PALM2AKAP2: variants seen among roughly 807,000 people sequenced by gnomAD.
PALM2AKAP2 encodes PALM2 and AKAP2 fusion, also known as PALM2-AKAP2 fusion protein.
PALM2AKAP2 carries 37 observed loss-of-function variants against 71.5 expected under a neutral mutation model. That is an observed-to-expected ratio of 0.52 (90% CI 0.40 to 0.68). The LOEUF (loss-of-function observed/expected upper bound fraction) is 0.68, where lower values mean the gene tolerates loss of function less well. Ranked by LOEUF, PALM2AKAP2 falls within the 30% of genes least tolerant of loss-of-function variation. The pLI is 0.00. For synonymous variants in PALM2AKAP2, 468 were observed against 478.8 expected, an observed-to-expected ratio of 0.98 and a Z score of 0.29; for missense variants, 1,224 against 1,191.8, an observed-to-expected ratio of 1.03 and a Z score of -0.40.
chr9:110,135,625 C>T, intron 1 of PALM2AKAP2, among the ~76,000 whole-genome samples: 1 of 152,168 alleles, frequency 6.6e-6, no homozygotes, highest in East Asian at 1.9e-4. Context: ...CAGTGAGGCA[C>T]TGTAGCCTGT....
chr9:109,918,933 G>A (rs1032924877), intron 3 of PALM2AKAP2, among the ~76,000 whole-genome samples: 1 of 151,952 alleles, frequency 6.6e-6, no homozygotes, highest in African/African-American at 2.4e-5. Flanking sequence ...CAGTTACACA[G>A]TATCATGACC....
At chr9:110,011,014 A>AAAAAAAAAAAAATATATAT (rs35212981) in intron 6 of PALM2AKAP2, among the ~76,000 whole-genome samples, 1 of 69,588 alleles carries the variant, frequency 1.4e-5, no homozygotes. Context: ...AAAAAAAAAA[A>AAAAAAAAAAAAATATATAT]ATATATATAT....
intron 1 of PALM2AKAP2, among the ~76,000 whole-genome samples, chr9:109,763,962 C>T (rs1041304950): frequency 1.3e-5 from 2 of 152,224 alleles, no homozygotes; most frequent in Non-Finnish European, 2.9e-5. Flanking sequence ...ATATCCTTAA[C>T]TAAATTACTT....
At chr9:109,949,542 C>A (rs1023804346) in intron 6 of PALM2AKAP2, among the ~76,000 whole-genome samples, 1 of 152,042 alleles carries the variant, frequency 6.6e-6, no homozygotes, top group Non-Finnish European at 1.5e-5. Context: ...TGGAAAACAC[C>A]CTTGACTGAG....
intron 1 of PALM2AKAP2, among the ~76,000 whole-genome samples, chr9:109,669,774 A>G (rs1395488765): frequency 6.6e-6 from 1 of 152,064 alleles, no homozygotes; most frequent in African/African-American, 2.4e-5. Context: ...TAATGTGCAT[A>G]GGAATCTATA....
chr9:110,130,161 T>G (rs1835702443), intron 1 of PALM2AKAP2, among the ~76,000 whole-genome samples: 1 of 152,222 alleles, frequency 6.6e-6, no homozygotes, highest in Non-Finnish European at 1.5e-5. Context: ...GGCTTAATAA[T>G]AGTGAACATT....
intron 1 of PALM2AKAP2, among the ~76,000 whole-genome samples, chr9:109,819,518 T>C (rs1236246520): frequency 1.3e-5 from 2 of 152,212 alleles, no homozygotes; most frequent in African/African-American, 4.8e-5. Context: ...TGATCTTATA[T>C]GTCCATTTAT....
At chr9:110,133,226 G>A (rs149615959) in intron 1 of PALM2AKAP2, among the ~76,000 whole-genome samples, 2 of 152,342 alleles carry the variant, frequency 1.3e-5, no homozygotes, top group Non-Finnish European at 2.9e-5. Context: ...TAATGCTGAT[G>A]TGAGGAGCGG....
intron 1 of PALM2AKAP2, among the ~76,000 whole-genome samples, chr9:109,814,961 A>G (rs1271122243): frequency 6.6e-6 from 1 of 152,136 alleles, no homozygotes; most frequent in African/African-American, 2.4e-5. Flanking sequence ...CATTTTTGAG[A>G]GAGTACTCCA....
intron 1 of PALM2AKAP2, among the ~76,000 whole-genome samples, chr9:109,825,968 T>A (rs1828138031): frequency 6.6e-6 from 1 of 152,172 alleles, no homozygotes; most frequent in African/African-American, 2.4e-5. Context: ...CCAACCCAAA[T>A]GTCCAACAAT....
At chr9:109,750,083 C>A (rs1390287150) in intron 1 of PALM2AKAP2, among the ~76,000 whole-genome samples, 1 of 152,112 alleles carries the variant, frequency 6.6e-6, no homozygotes, top group Non-Finnish European at 1.5e-5. Flanking sequence ...TGTAGGTAAA[C>A]CCCTGGATGG....
chr9:109,905,661 C>T (rs368035132), intron 3 of PALM2AKAP2, among the ~76,000 whole-genome samples: 2 of 152,220 alleles, frequency 1.3e-5, no homozygotes, highest in African/African-American at 4.8e-5. Flanking sequence ...CCCCAAGCCC[C>T]GTTTTGCTGC....
At chr9:109,972,598 A>G (rs1832088942) in intron 6 of PALM2AKAP2, among the ~76,000 whole-genome samples, 4 of 152,284 alleles carry the variant, frequency 2.6e-5, no homozygotes, top group Middle Eastern at 3.4e-3. Context: ...CCCCATCAGT[A>G]TACTATAGAC....
chr9:109,939,594 G>A (rs1360986669), intron 6 of PALM2AKAP2, among the ~76,000 whole-genome samples: 1 of 152,200 alleles, frequency 6.6e-6, no homozygotes, highest in African/African-American at 2.4e-5. Context: ...TGTGTCCCAT[G>A]AGTGTGTTAA....
exon 4 of PALM2AKAP2, chr9:110,169,617 A>G (rs907107741): frequency 6.6e-6 from 1 of 152,272 alleles, no homozygotes; most frequent in Non-Finnish European, 1.5e-5. Flanking sequence ...AAGAATGGGA[A>G]TAAAATAAGG....
At chr9:109,774,664 TAA>T (rs57741241) in intron 1 of PALM2AKAP2, among the ~76,000 whole-genome samples, 47 of 140,822 alleles carry the variant, frequency 3.3e-4, no homozygotes, top group African/African-American at 1.1e-3. Context: ...GCTCAACCCT[TAA>T]AAAAAAAAAA....
In PALM2AKAP2 at chr9:109,781,560, C is replaced by T. The variant is rs555601465; in HGVS notation, c.45+1027C>T. Among the ~76,000 whole-genome samples, 3 of 152,112 alleles carry T rather than the reference C, an allele frequency of 2.0e-5. No homozygotes were observed. In the East Asian group the frequency reaches 5.8e-4, roughly 29 times the overall value. The stretch of plus-strand genomic sequence containing the variant: ...GTTTTGGAACCAAAGTATATTAAAG[C>T]GTTTTCCAAAACCTTTTTGGACAGA... On this transcript the variant is annotated intron_variant, in intron 1 of 9. Coordinates refer to the PALM2AKAP2 transcript ENST00000302798.
intron 6 of PALM2AKAP2, among the ~76,000 whole-genome samples, chr9:110,002,232 G>A (rs1291150210): frequency 6.6e-6 from 1 of 152,118 alleles, no homozygotes; most frequent in East Asian, 1.9e-4. Context: ...GAAGGTTGTT[G>A]AATTTTGTCA....
intron 1 of PALM2AKAP2, among the ~76,000 whole-genome samples, chr9:109,684,291 G>A (rs548001076): frequency 1.3e-5 from 2 of 152,238 alleles, no homozygotes; most frequent in South Asian, 4.1e-4. Context: ...CTAGGGCAGT[G>A]GTGCTCATCT....
Sources: gnomAD v4.1 joint callset for allele counts (sites outside exome capture counted in the v4.1 genomes callset) on GRCh38, gnomAD v4.1.1 for gene constraint, MANE v1.5 for transcripts, NCBI Gene and HGNC (gene_info 2026-07-23, HGNC 2026-07-21) for gene names.